The following EXOC3L2 variants were observed in gnomAD, a reference collection of about 807,000 sequenced individuals.
EXOC3L2 encodes exocyst complex component 3 like 2.
Under a neutral mutation model 44.4 loss-of-function variants are expected in EXOC3L2, and 17 were observed. That is an observed-to-expected ratio of 0.38 (90% confidence interval 0.26 to 0.57). The LOEUF is 0.57. Ranked by LOEUF, EXOC3L2 falls within the 20% of genes least tolerant of loss-of-function variation. The pLI, the probability that EXOC3L2 is intolerant of heterozygous loss-of-function variation, is 0.65. For synonymous variants in EXOC3L2, 256 were observed against 253.7 expected (o/e 1.01, Z -0.09); for missense variants, 541 against 588.4 (o/e 0.92, Z 0.83).
rs774657220 is a variant in EXOC3L2 at position 45,227,746 on chromosome 19, T to C, written c.1499A>G (p.His500Arg). The part of the protein sequence containing the change: ...QSFQQRVERF[H>R]ENPAVREMLP... ...CATCTCCCGGACTGCTGGGTTCTCA[T>C]GGAATCGCTCCACACGCTGCTGGAA... The change falls in exon 7 of 12, where the codon CAT (histidine) becomes CGT (arginine). Residue 500 changes from histidine (H) to arginine (R), a missense_variant. Coordinates refer to ENST00000413988, the MANE Select transcript of EXOC3L2 (RefSeq NM_001382422.1). 1.2e-6 allele frequency: 2 copies of C among 1,612,752 alleles called. No homozygotes were observed. The highest frequency in any genetic ancestry group is 2.2e-5 in the East Asian group (1 of 44,854).
At chr19:45,243,336 G>A (rs1375200778) in intron 1 of EXOC3L2, among the ~76,000 whole-genome samples, 3 of 152,222 alleles carry the variant, frequency 2.0e-5, no homozygotes, top group Non-Finnish European at 4.4e-5. Flanking sequence ...GGGGTGGACA[G>A]GAGGCCTGGG....
chr19:45,233,630 T>C (rs532764391), intron 3 of EXOC3L2, among the ~76,000 whole-genome samples: 57 of 152,164 alleles, frequency 3.7e-4, no homozygotes, highest in African/African-American at 1.3e-3. Flanking sequence ...CTGTCGATAG[T>C]GCTAAAATTG....
chr19:45,215,979 C>A, intron 11 of EXOC3L2, 94 bp downstream of exon 11: 1 of 1,525,650 alleles, frequency 6.6e-7, no homozygotes, highest in Non-Finnish European at 8.9e-7. Context: ...CCGGCTCCCT[C>A]CCTCAGGAGG....
chr19:45,241,095 C>CT (rs1259485161), intron 1 of EXOC3L2, among the ~76,000 whole-genome samples: 1 of 152,102 alleles, frequency 6.6e-6, no homozygotes, highest in Non-Finnish European at 1.5e-5. Context: ...CCCATAGCCC[C>CT]TACCCCAAGC....
Position 45,234,890 on chromosome 19 carries a change from G to T in EXOC3L2, c.524-64C>A, listed in dbSNP as rs1344673484. ...GGAGGAGGGCGATGCCGGACGCGGG[G>T]TTGGGGGTGCTTAGGAAGGGGAGAG... is the stretch of plus-strand genomic sequence containing the variant. On this transcript the variant is annotated intron_variant, in intron 2 of 11. Transcript: ENST00000413988. The surrounding 1 kb of genome is among the most constrained non-coding windows in gnomAD (Gnocchi z 5.0). 6 of 382,486 alleles carry T rather than the reference G, an allele frequency of 1.6e-5. No individual in the cohort carries two copies. Among genetic ancestry groups the T allele is most frequent in the Non-Finnish European group, 2.8e-5 (6 of 215,634 alleles). The allele number at this position is 382,486 out of a possible 1,614,324, so 23.7% of individuals were successfully genotyped here.
intron 10 of EXOC3L2, 144 bp downstream of exon 10, chr19:45,217,384 A>T (rs1362107137): frequency 1.9e-6 from 2 of 1,030,106 alleles, no homozygotes; most frequent in East Asian, 3.2e-5. Flanking sequence ...GGTCAAAGTT[A>T]CTGGTTGCTA....
chr19:45,234,618 C>A lies in EXOC3L2; in HGVS notation c.732G>T (p.Glu244Asp). 1 of 329,160 alleles carries A rather than the reference C, an allele frequency of 3.0e-6. No homozygotes were observed. The highest frequency in any genetic ancestry group is 1.4e-4 in the South Asian group (1 of 7,306). 20.4% of individuals were successfully genotyped at this position (329,160 alleles called of 1,614,324 possible). A position where few individuals can be genotyped will look rare whatever the true frequency, so the allele number is the denominator to read the frequency against. Residue 244 changes from glutamate (E) to aspartate (D), a missense_variant, in exon 3 of 12, where the codon GAG (glutamate) becomes GAT (aspartate). Glu to Asp is a conservative substitution (Grantham distance 45, BLOSUM62 2). Coordinates refer to ENST00000413988, the MANE Select transcript of EXOC3L2 (RefSeq NM_001382422.1). This position sits in a 1 kb window ranked among gnomAD's most constrained non-coding sequence, Gnocchi z 5.0. Reference protein sequence around the residue: ...LQRELWALVRETLAGPGPGAC... With the variant: ...LQRELWALVRDTLAGPGPGAC... Reference sequence around the variant, plus strand: ...CTCCCGGCCCGGGGCCCGCCAGCGTCTCGCGCACCAGCGCCCACAGCTCGC... The same window carrying A: ...CTCCCGGCCCGGGGCCCGCCAGCGTATCGCGCACCAGCGCCCACAGCTCGC...
intron 8 of EXOC3L2, among the ~76,000 whole-genome samples, chr19:45,222,057 TACACATGCAC>T (rs1969903881): frequency 4.0e-5 from 6 of 151,874 alleles, no homozygotes. Flanking sequence ...GATGCTCACA[TACACATGCAC>T]ACTCATGCAC....
Position 45,224,932 on chromosome 19 carries a change from C to T in EXOC3L2, c.1584-19G>A. On this transcript the variant is annotated intron_variant, in intron 7 of 11. Transcript: ENST00000413988. ...CAGAGCTCTGTGGGGATCAACAGAG[C>T]CAAAACTGAGGGACCCCAACATCTC... The T allele has an allele frequency of 6.7e-7, 1 of 1,496,694 alleles. No individual in the cohort carries two copies. The highest frequency in any genetic ancestry group is 1.8e-4 in the Middle Eastern group (1 of 5,520). The allele number at this position is 1,496,694 out of a possible 1,614,324, so 92.7% of individuals were successfully genotyped here. A position where few individuals can be genotyped will look rare whatever the true frequency, so the allele number is the denominator to read the frequency against.
At chr19:45,244,404 C>A in intron 1 of EXOC3L2, among the ~76,000 whole-genome samples, 1 of 152,110 alleles carries the variant, frequency 6.6e-6, no homozygotes, top group East Asian at 1.9e-4. Flanking sequence ...GCTTCAATAT[C>A]GCCTCCAAAC....
intron 8 of EXOC3L2, among the ~76,000 whole-genome samples, chr19:45,219,108 G>A (rs1429701918): frequency 1.3e-5 from 2 of 152,072 alleles, no homozygotes; most frequent in Non-Finnish European, 2.9e-5. Flanking sequence ...AGCTACTCTG[G>A]ATGCTGACAC....
Position 45,216,168 on chromosome 19 carries a change from G to C in EXOC3L2, c.2025C>G (p.Ala675=), listed in dbSNP as rs34958174. 1.9e-6 allele frequency: 3 copies of C among 1,613,856 alleles called. No homozygotes were observed. Among genetic ancestry groups the C allele is most frequent in the Admixed American group, 3.3e-5 (2 of 60,006 alleles). The change falls in exon 11 of 12, where the codon GCC becomes GCG. Residue 675 remains alanine (A), a synonymous_variant. Coordinates refer to ENST00000413988, the MANE Select transcript of EXOC3L2 (RefSeq NM_001382422.1). ...RLESQASWLD[A]VVPHLAEVMQ... is the part of the protein sequence containing the mutation. ...TGACTTCAGCCAAATGGGGCACCACGGCATCCAGCCACGAGGCCTGGGACT... is the reference window on the plus strand; with the variant it reads ...TGACTTCAGCCAAATGGGGCACCACCGCATCCAGCCACGAGGCCTGGGACT...
intron 1 of EXOC3L2, among the ~76,000 whole-genome samples, chr19:45,241,490 AAAAAAAG>A (rs1418958136): frequency 6.6e-6 from 1 of 151,552 alleles, no homozygotes; most frequent in Non-Finnish European, 1.5e-5. Context: ...AAAAAAAAAA[AAAAAAAG>A]AAAAGAAAAA....
rs550683676 is a variant in EXOC3L2, at chr19:45,234,862, G to T, written c.524-36C>A. ...AAAGCGGGAGGTCAGCAGTGCGCGG[G>T]GGGGAGGAGGGCGATGCCGGACGCG... On this transcript the variant is annotated intron_variant, in intron 2 of 11. Transcript: ENST00000413988. The surrounding 1 kb of genome is among the most constrained non-coding windows in gnomAD (Gnocchi z 5.0). The T allele has an allele frequency of 1.2e-4, 48 of 389,732 alleles. No homozygotes were observed. The highest frequency in any genetic ancestry group is 8.3e-4 in the African/African-American group (40 of 48,320). 24.1% of individuals were successfully genotyped at this position (389,732 alleles called of 1,614,324 possible).
rs1317641826 is a variant in EXOC3L2, at chr19:45,220,473, A to C, written c.1720-2154T>G. ...CGACAGAGCAAGATTCTATCTCAAA[A>C]AAACAAACAGAAACAAAAACAAAAC... is the stretch of plus-strand genomic sequence containing the variant. On this transcript the variant is annotated intron_variant, in intron 8 of 11. Coordinates refer to ENST00000413988, the MANE Select transcript of EXOC3L2 (RefSeq NM_001382422.1). 7.2e-5 allele frequency among the ~76,000 whole-genome samples: 11 copies of C among 152,160 alleles called. 1 individual carries two copies.
chr19:45,220,104 C>T (rs538047341), intron 8 of EXOC3L2, among the ~76,000 whole-genome samples: 127 of 152,000 alleles, frequency 8.4e-4, no homozygotes, highest in Non-Finnish European at 3.2e-4. Context: ...ACCTGGGAGG[C>T]GGAGGTTGCA....
intron 2 of EXOC3L2, among the ~76,000 whole-genome samples, chr19:45,236,833 C>T (rs530635941): frequency 9.9e-5 from 15 of 151,448 alleles, no homozygotes; most frequent in Non-Finnish European, 1.9e-4. Context: ...CCCATCTCTA[C>T]AAAAAATACA....
chr19:45,219,393 CAAAAAA>C (rs950797638), intron 8 of EXOC3L2, among the ~76,000 whole-genome samples: 1 of 51,546 alleles, frequency 1.9e-5, no homozygotes, highest in East Asian at 5.8e-4. Context: ...GGCCCCGTCT[CAAAAAA>C]AAAAAAAAAA....
chr19:45,225,478 C>T lies in EXOC3L2; in HGVS notation c.1584-565G>A, dbSNP rs536535696. 3.6e-3 allele frequency among the ~76,000 whole-genome samples: 545 copies of T among 152,044 alleles called. 2 individuals are homozygous for T. Among genetic ancestry groups the T allele is most frequent in the African/African-American group, 0.012 (501 of 41,474 alleles). On this transcript the variant is annotated intron_variant, in intron 7 of 11. Coordinates refer to ENST00000413988, the MANE Select transcript of EXOC3L2 (RefSeq NM_001382422.1). ...AGAGATGGGGTTTCACCGTGTTAGCCAGGATGGTCTCGATCTCCTGACCTT... is the reference window on the plus strand; with the variant it reads ...AGAGATGGGGTTTCACCGTGTTAGCTAGGATGGTCTCGATCTCCTGACCTT...
Sources: gnomAD v4.1 joint callset for allele counts (sites outside exome capture counted in the v4.1 genomes callset) on GRCh38, gnomAD v4.1.1 for gene constraint, Gnocchi (gnomAD v3.1) non-coding constraint, MANE v1.5 for transcripts, NCBI Gene and HGNC (gene_info 2026-07-23, HGNC 2026-07-21) for gene names.